EPN2: variants seen among roughly 807,000 people sequenced by gnomAD.
EPN2 encodes the protein epsin-2.
Under a neutral mutation model 61.7 loss-of-function variants are expected in EPN2, and 34 were observed. That is an observed-to-expected ratio of 0.55 (90% confidence interval 0.42 to 0.73). The LOEUF (loss-of-function observed/expected upper bound fraction) is 0.73. Among genes scored for constraint, EPN2 ranks in the 30% least tolerant of loss-of-function variants. The pLI is 0.00. For missense variants in EPN2, 714 were observed against 839.2 expected (o/e 0.85, Z 1.84); for synonymous variants, 349 against 353.6 (o/e 0.99, Z 0.15).
intron 5 of EPN2, 30 bp downstream of exon 5, chr17:19,310,027 T>G (rs1198538991): frequency 6.8e-7 from 1 of 1,475,516 alleles, no homozygotes; most frequent in South Asian, 1.1e-5. Flanking sequence ...CTGCACTGCA[T>G]TGACTGCCCA....
intron 7 of EPN2, among the ~76,000 whole-genome samples, chr17:19,319,195 C>CA (rs1361070069): frequency 6.3e-4 from 87 of 139,000 alleles, no homozygotes; most frequent in East Asian, 5.0e-3. Flanking sequence ...GACCCTGTCT[C>CA]AAAAAAAAAA....
chr17:19,324,584 C>T (rs368268370), intron 7 of EPN2, among the ~76,000 whole-genome samples: 8 of 152,274 alleles, frequency 5.3e-5, no homozygotes, highest in East Asian at 1.9e-4. Flanking sequence ...CCACCCACCT[C>T]GGCCTCCCAG....
At chr17:19,265,532 C>T (rs2045187515) in intron 1 of EPN2, among the ~76,000 whole-genome samples, 1 of 152,332 alleles carries the variant, frequency 6.6e-6, no homozygotes, top group African/African-American at 2.4e-5. Flanking sequence ...TTCTCTGCTT[C>T]CCTGGCACTG....
At chr17:19,288,259 C>A (rs1597996493) in intron 4 of EPN2, among the ~76,000 whole-genome samples, 1 of 152,364 alleles carries the variant, frequency 6.6e-6, no homozygotes, top group East Asian at 1.9e-4. Flanking sequence ...GCCTGGTCTA[C>A]CTGCCCTCTG....
intron 4 of EPN2, among the ~76,000 whole-genome samples, chr17:19,287,266 GTT>G (rs2045415187): frequency 6.6e-6 from 1 of 152,102 alleles, no homozygotes; most frequent in African/African-American, 2.4e-5. Context: ...AACCTGGCAA[GTT>G]GCTTAAGGTA....
chr17:19,242,597 GGT>G (rs1348112275), intron 1 of EPN2, among the ~76,000 whole-genome samples: 5 of 152,222 alleles, frequency 3.3e-5, no homozygotes, highest in Admixed American at 6.5e-5. Context: ...GTTTCCTGTT[GGT>G]CCTGGTCTAG....
chr17:19,269,115 T>A (rs1010046156), intron 1 of EPN2, among the ~76,000 whole-genome samples: 2 of 152,188 alleles, frequency 1.3e-5, no homozygotes, highest in African/African-American at 4.8e-5. Context: ...ACATATTCTC[T>A]TATATGTACC....
intron 4 of EPN2, among the ~76,000 whole-genome samples, chr17:19,303,051 C>G (rs1206431672): frequency 6.6e-6 from 1 of 152,228 alleles, no homozygotes; most frequent in Admixed American, 6.5e-5. Flanking sequence ...AGTCGCTTTC[C>G]TGGGTGGAAG....
chr17:19,242,561 G>A (rs141102710), intron 1 of EPN2, among the ~76,000 whole-genome samples: 18 of 152,318 alleles, frequency 1.2e-4, no homozygotes, highest in African/African-American at 4.3e-4. Flanking sequence ...TCGTTCCTGG[G>A]CATAGAAAGT....
intron 1 of EPN2, chr17:19,276,646 T>C (rs926080621): frequency 1.3e-5 from 2 of 152,018 alleles, no homozygotes. Flanking sequence ...TCATGTACTT[T>C]ATTTATCAAT....
At chr17:19,312,012 G>A in intron 5 of EPN2, 40 bp from the exon 6 acceptor site, 1 of 1,314,610 alleles carries the variant, frequency 7.6e-7, no homozygotes, top group Non-Finnish European at 1.1e-6. Context: ...TCTGTACAGT[G>A]ATGTTATTAC....
At chr17:19,332,354 G>A (rs1397162267) in intron 10 of EPN2, among the ~76,000 whole-genome samples, 1 of 152,070 alleles carries the variant, frequency 6.6e-6, no homozygotes, top group Non-Finnish European at 1.5e-5. Context: ...TGAGACCCTC[G>A]AGGGAATGTC....
At chr17:19,319,955 C>G (rs534002209) in intron 7 of EPN2, among the ~76,000 whole-genome samples, 1 of 152,232 alleles carries the variant, frequency 6.6e-6, no homozygotes, top group East Asian at 1.9e-4. Context: ...CCATGCCCAG[C>G]GACAGATTAT....
At chr17:19,265,660 C>G (rs2045190086) in intron 1 of EPN2, among the ~76,000 whole-genome samples, 1 of 152,170 alleles carries the variant, frequency 6.6e-6, no homozygotes, top group African/African-American at 2.4e-5. Flanking sequence ...CTCTCTCTCC[C>G]TTATGCCTCT....
At chr17:19,291,304 T>A (rs2045462160) in intron 4 of EPN2, among the ~76,000 whole-genome samples, 1 of 152,176 alleles carries the variant, frequency 6.6e-6, no homozygotes, top group Non-Finnish European at 1.5e-5. Flanking sequence ...CAACAGCTGC[T>A]GCTGCTGTCC....
At chr17:19,239,835 A>G (rs1420877977) in intron 1 of EPN2, among the ~76,000 whole-genome samples, 1 of 152,226 alleles carries the variant, frequency 6.6e-6, no homozygotes, top group Non-Finnish European at 1.5e-5. Context: ...AAGTGATAAT[A>G]TCTAGCATCG....
At chr17:19,313,370 C>A in intron 7 of EPN2, 91 bp downstream of exon 7, 1 of 1,292,434 alleles carries the variant, frequency 7.7e-7, no homozygotes, top group Non-Finnish European at 1.0e-6. Flanking sequence ...CCACTTGGGT[C>A]TGGTCGATTG....
intron 7 of EPN2, among the ~76,000 whole-genome samples, chr17:19,328,411 C>G (rs115808219): frequency 6.6e-6 from 1 of 152,202 alleles, no homozygotes; most frequent in African/African-American, 2.4e-5. Flanking sequence ...TTTGCAAGCC[C>G]CCTGTATGGT....
At chr17:19,241,447 G>A (rs1015945248) in intron 1 of EPN2, among the ~76,000 whole-genome samples, 4 of 151,934 alleles carry the variant, frequency 2.6e-5, no homozygotes, top group South Asian at 4.2e-4. Context: ...TTAGCTGGGC[G>A]TGGTGGTGCA....
Sources: allele counts gnomAD v4.1 joint callset (sites outside exome capture counted in the v4.1 genomes callset), GRCh38; gene constraint gnomAD v4.1.1; transcripts MANE v1.5; gene names NCBI Gene and HGNC (gene_info 2026-07-23, HGNC 2026-07-21).